The following MGMT variants were observed in gnomAD, a reference collection of about 807,000 sequenced individuals.
The protein encoded by MGMT is methylated-DNA--protein-cysteine methyltransferase.
MGMT carries 14 observed loss-of-function variants against 15.9 expected under a neutral mutation model. The ratio of observed to expected loss-of-function variants is 0.88; its 90% CI spans 0.58 to 1.37. The LOEUF (loss-of-function observed/expected upper bound fraction) is 1.37, where lower values mean the gene tolerates loss of function less well. Ranked by LOEUF, MGMT falls within the 40% of genes most tolerant of loss-of-function variation. MGMT has a pLI of 0.00. For missense variants in MGMT, 282 were observed against 268.1 expected (o/e 1.05, Z -0.36); for synonymous variants, 130 against 118.2 (o/e 1.10, Z -0.65).
At chr10:129,680,053 A>G (rs930392459) in intron 2 of MGMT, among the ~76,000 whole-genome samples, 3 of 152,240 alleles carry the variant, frequency 2.0e-5, no homozygotes. Flanking sequence ...GTGCTGTACA[A>G]TGGTGCAATT....
At chr10:129,716,694 T>A (rs929077676) in intron 3 of MGMT, among the ~76,000 whole-genome samples, 2 of 152,218 alleles carry the variant, frequency 1.3e-5, no homozygotes, top group Middle Eastern at 3.2e-3. Flanking sequence ...TCCCCAAGAA[T>A]TGGGCCTTTG....
intron 2 of MGMT, among the ~76,000 whole-genome samples, chr10:129,660,165 G>A (rs897233689): frequency 2.6e-5 from 4 of 152,102 alleles, no homozygotes; most frequent in Non-Finnish European, 5.9e-5. Context: ...CCTGCCAATT[G>A]TGGTTTCGTT....
At chr10:129,602,183 A>G (rs758274539) in intron 2 of MGMT, among the ~76,000 whole-genome samples, 1 of 152,212 alleles carries the variant, frequency 6.6e-6, no homozygotes, top group Non-Finnish European at 1.5e-5. Flanking sequence ...AGAATCATAT[A>G]CATTTAAAAT....
chr10:129,519,524 A>G (rs1199634484), intron 1 of MGMT, among the ~76,000 whole-genome samples: 2 of 152,220 alleles, frequency 1.3e-5, no homozygotes, highest in Non-Finnish European at 2.9e-5. Flanking sequence ...CTGTCGCTCC[A>G]GGAGCACGAG....
intron 1 of MGMT, among the ~76,000 whole-genome samples, chr10:129,507,733 C>T (rs1845640265): frequency 6.6e-6 from 1 of 152,222 alleles, no homozygotes; most frequent in South Asian, 2.1e-4. Flanking sequence ...TGTCCAGCCT[C>T]ACACTGTATT....
intron 1 of MGMT, among the ~76,000 whole-genome samples, chr10:129,504,552 T>G (rs1315376837): frequency 6.6e-6 from 1 of 152,228 alleles, no homozygotes; most frequent in Non-Finnish European, 1.5e-5. Context: ...ACATTCTACA[T>G]TCTTGATTCC....
chr10:129,565,091 G>C (rs1951602989), intron 2 of MGMT, among the ~76,000 whole-genome samples: 1 of 152,236 alleles, frequency 6.6e-6, no homozygotes, highest in African/African-American at 2.4e-5. Context: ...GGGGCATCTA[G>C]CTGGGCGCTG....
At chr10:129,731,393 C>T (rs1043811582) in intron 3 of MGMT, among the ~76,000 whole-genome samples, 1 of 128,316 alleles carries the variant, frequency 7.8e-6, no homozygotes. Flanking sequence ...GACGGAGTCT[C>T]GCTCTGTTGC....
chr10:129,704,415 C>T (rs1264079787), intron 2 of MGMT, among the ~76,000 whole-genome samples: 1 of 152,044 alleles, frequency 6.6e-6, no homozygotes, highest in Admixed American at 6.5e-5. Context: ...GCTGTGGAGA[C>T]CTCAGCCTGT....
intron 2 of MGMT, among the ~76,000 whole-genome samples, chr10:129,685,851 G>T (rs1444389946): frequency 6.6e-6 from 1 of 151,940 alleles, no homozygotes; most frequent in African/African-American, 2.4e-5. Context: ...TCTTCCTCTG[G>T]GTTTCTAAGT....
At chr10:129,690,016 T>C (rs1847952096) in intron 2 of MGMT, among the ~76,000 whole-genome samples, 2 of 152,228 alleles carry the variant, frequency 1.3e-5, no homozygotes, top group East Asian at 1.9e-4. Flanking sequence ...GAATGTTTGT[T>C]GTTGAATCCT....
At chr10:129,654,471 G>T (rs1847500673) in intron 2 of MGMT, among the ~76,000 whole-genome samples, 1 of 152,118 alleles carries the variant, frequency 6.6e-6, no homozygotes, top group African/African-American at 2.4e-5. Flanking sequence ...GTGTTAAGTG[G>T]ACAGAAATCA....
chr10:129,671,327 A>G (rs1456921149), intron 2 of MGMT, among the ~76,000 whole-genome samples: 2 of 152,192 alleles, frequency 1.3e-5, no homozygotes, highest in African/African-American at 2.4e-5. Context: ...TCCTGGTAGG[A>G]ATATTTACAC....
chr10:129,527,573 G>C (rs1047236847), intron 1 of MGMT, among the ~76,000 whole-genome samples: 4 of 144,856 alleles, frequency 2.8e-5, no homozygotes, highest in African/African-American at 1.0e-4. Context: ...GGTGTAGTAG[G>C]TGGTCGGCTC....
intron 2 of MGMT, among the ~76,000 whole-genome samples, chr10:129,672,547 G>T (rs1197502911): frequency 1.3e-5 from 2 of 151,928 alleles, no homozygotes; most frequent in Admixed American, 6.6e-5. Flanking sequence ...ATATCCGTGG[G>T]GTCCATTGTG....
chr10:129,514,779 C>T (rs763509658), intron 1 of MGMT, among the ~76,000 whole-genome samples: 23 of 152,280 alleles, frequency 1.5e-4, no homozygotes, highest in Admixed American at 3.3e-4. Context: ...CTGAATCTGC[C>T]GGCGCCTTGG....
chr10:129,713,607 G>A (rs1848258223), intron 3 of MGMT, among the ~76,000 whole-genome samples: 1 of 152,198 alleles, frequency 6.6e-6, no homozygotes, highest in African/African-American at 2.4e-5. Context: ...GTGCATTTCT[G>A]TGGTTCAGAA....
chr10:129,564,720 GCCC>G (rs1846333341), intron 2 of MGMT, among the ~76,000 whole-genome samples: 1 of 92,896 alleles, frequency 1.1e-5, no homozygotes, highest in Non-Finnish European at 2.2e-5. Flanking sequence ...TCCTCCTCCT[GCCC>G]TTCTTTTCCT....
chr10:129,722,115 A>T (rs1012813254), intron 3 of MGMT, among the ~76,000 whole-genome samples: 1 of 152,150 alleles, frequency 6.6e-6, no homozygotes, highest in African/African-American at 2.4e-5. Flanking sequence ...GTAAAATTGT[A>T]TTTATTTTCA....
Sources: gnomAD v4.1 joint callset for allele counts (sites outside exome capture counted in the v4.1 genomes callset) on GRCh38, gnomAD v4.1.1 for gene constraint, MANE v1.5 for transcripts, NCBI Gene and HGNC (gene_info 2026-07-23, HGNC 2026-07-21) for gene names.